RAMP1: variants seen among roughly 807,000 people sequenced by gnomAD.
The protein encoded by RAMP1 is receptor activity-modifying protein 1.
Under a neutral mutation model 8.2 loss-of-function variants are expected in RAMP1, and 7 were observed. The ratio of observed to expected loss-of-function variants is 0.85; its 90% CI spans 0.49 to 1.60. The LOEUF (loss-of-function observed/expected upper bound fraction) is 1.60. Among genes scored for constraint, RAMP1 ranks in the 40% most tolerant of loss-of-function variants. RAMP1 has a pLI of 0.00. For synonymous variants in RAMP1, 92 were observed against 84.7 expected, an observed-to-expected ratio of 1.09 and a Z score of -0.47; for missense variants, 192 against 202.4, an observed-to-expected ratio of 0.95 and a Z score of 0.31.
intron 2 of RAMP1, among the ~76,000 whole-genome samples, chr2:237,891,582 G>A (rs982583080): frequency 6.6e-6 from 1 of 151,924 alleles, no homozygotes; most frequent in African/African-American, 2.4e-5. Flanking sequence ...TTTGCCGTAG[G>A]GAGGAAATGT....
At chr2:237,864,916 C>G (rs571755651) in intron 1 of RAMP1, among the ~76,000 whole-genome samples, 2 of 152,338 alleles carry the variant, frequency 1.3e-5, no homozygotes, top group South Asian at 2.1e-4. Flanking sequence ...GCCTTTTTGA[C>G]TGAAGCATGG....
chr2:237,885,456 C>T (rs1259165675), intron 2 of RAMP1, among the ~76,000 whole-genome samples: 1 of 152,262 alleles, frequency 6.6e-6, no homozygotes, highest in African/African-American at 2.4e-5. Context: ...TTGTTCATGG[C>T]GGTGTCCGCC....
chr2:237,879,000 A>G lies in RAMP1; in HGVS notation c.191+1638A>G, dbSNP rs1236763162. 3.9e-5 allele frequency among the ~76,000 whole-genome samples: 6 copies of G among 152,170 alleles called. No homozygotes were observed. The highest frequency in any genetic ancestry group is 8.8e-5 in the Non-Finnish European group (6 of 68,030). On this transcript the variant is annotated intron_variant, in intron 2 of 2. Transcript: ENST00000254661. This position sits in a 1 kb window ranked among gnomAD's most constrained non-coding sequence, Gnocchi z 5.7. ...GCCCTCAGCAGGGTCTCCTCACTCT[A>G]CTGTACTGAAGGTCTCTCCAAGATT... is the stretch of plus-strand genomic sequence containing the variant.
intron 1 of RAMP1, among the ~76,000 whole-genome samples, chr2:237,866,543 A>G (rs1340985994): frequency 6.6e-6 from 1 of 152,018 alleles, no homozygotes; most frequent in Non-Finnish European, 1.5e-5. Flanking sequence ...GGCGATGGCA[A>G]TACAAGTGAC....
At chr2:237,860,713 T>C (rs2062124978) in intron 1 of RAMP1, among the ~76,000 whole-genome samples, 1 of 152,192 alleles carries the variant, frequency 6.6e-6, no homozygotes, top group Non-Finnish European at 1.5e-5. Flanking sequence ...AACAGTGATG[T>C]TGGTCAGAGG....
In RAMP1 at chr2:237,880,398, C is replaced by A. The variant is rs148181588; in HGVS notation, c.191+3036C>A. 1.4e-3 allele frequency among the ~76,000 whole-genome samples: 209 copies of A among 152,316 alleles called. 1 individual carries two copies. Among genetic ancestry groups the A allele is most frequent in the African/African-American group, 4.7e-3 (196 of 41,574 alleles). Reference sequence around the variant, plus strand: ...GTACCACGAGATGTTCCAGGCTTATCTTAGACATTTTGTGCCCCAGCCCTG... The same window carrying A: ...GTACCACGAGATGTTCCAGGCTTATATTAGACATTTTGTGCCCCAGCCCTG... On this transcript the variant is annotated intron_variant, in intron 2 of 2. Coordinates refer to ENST00000254661, the MANE Select transcript of RAMP1 (RefSeq NM_005855.4).
In RAMP1 at chr2:237,911,055, C is replaced by T. The variant is rs555929451; in HGVS notation, c.192-473C>T. On this transcript the variant is annotated intron_variant, in intron 2 of 2. Coordinates refer to ENST00000254661, the MANE Select transcript of RAMP1 (RefSeq NM_005855.4). ...ACACTGTCACACATTGAATAACAGT[C>T]ACACACAGTCGCACACAGAATAACA... Among the ~76,000 whole-genome samples, 18 of 152,218 alleles carry T rather than the reference C, an allele frequency of 1.2e-4. No homozygotes were observed. The South Asian group carries it at 3.1e-3, about 26-fold the overall frequency.
chr2:237,885,985 ACAGAGGAGAAGGGGG>A (rs758886291), intron 2 of RAMP1, among the ~76,000 whole-genome samples: 1 of 152,176 alleles, frequency 6.6e-6, no homozygotes, highest in Non-Finnish European at 1.5e-5. Flanking sequence ...GCTATGGCTT[ACAGAGGAGAAGGGGG>A]CAGAGGAGGA....
intron 2 of RAMP1, among the ~76,000 whole-genome samples, chr2:237,907,038 A>G (rs2062660427): frequency 6.6e-6 from 1 of 152,114 alleles, no homozygotes; most frequent in Non-Finnish European, 1.5e-5. Flanking sequence ...CTCATTTTCA[A>G]AAGGTATTTT....
At chr2:237,890,523 A>T (rs1378205784) in intron 2 of RAMP1, among the ~76,000 whole-genome samples, 5 of 152,184 alleles carry the variant, frequency 3.3e-5, no homozygotes, top group African/African-American at 1.2e-4. Context: ...GTGATGTGAG[A>T]ATTACTTATT....
intron 1 of RAMP1, among the ~76,000 whole-genome samples, chr2:237,866,691 C>T (rs1282023668): frequency 2.0e-5 from 3 of 152,036 alleles, no homozygotes; most frequent in Admixed American, 6.6e-5. Flanking sequence ...TGAGTTAACC[C>T]ATATTTTGTA....
At chr2:237,886,832 G>T (rs367921088) in intron 2 of RAMP1, among the ~76,000 whole-genome samples, 1 of 152,210 alleles carries the variant, frequency 6.6e-6, no homozygotes, top group Admixed American at 6.5e-5. Context: ...TCAGACATGC[G>T]GTGACGCTAA....
intron 1 of RAMP1, chr2:237,874,831 G>A (rs897973242): frequency 2.0e-6 from 1 of 508,874 alleles, no homozygotes; most frequent in Non-Finnish European, 2.5e-6. Flanking sequence ...AAAAGAAAGA[G>A]ACCCTCCACC....
upstream of RAMP1, chr2:237,859,521 G>GGAGCCGCAGTGGGCC (rs1334717390): frequency 6.8e-6 from 2 of 293,598 alleles, no homozygotes; most frequent in Admixed American, 1.3e-4. Flanking sequence ...ACCCACGCGG[G>GGAGCCGCAGTGGGCC]GAGCCGCAGT....
intron 1 of RAMP1, chr2:237,860,002 G>T (rs1287278483): frequency 5.2e-6 from 2 of 387,950 alleles, no homozygotes; most frequent in Non-Finnish European, 9.3e-6. Flanking sequence ...GGAAAGCGTG[G>T]GGTGAGTCAG....
At position 237,878,170 on chromosome 2, in the gene RAMP1, A is replaced by G. The variant is rs1392912008; in HGVS notation, c.191+808A>G. The G allele has an allele frequency of 5.9e-5, 58 of 985,210 alleles. No homozygotes were observed. The highest frequency in any genetic ancestry group is 6.6e-5 in the Non-Finnish European group (55 of 829,842). 61.0% of individuals were successfully genotyped at this position (985,210 alleles called of 1,614,324 possible). On this transcript the variant is annotated intron_variant, in intron 2 of 2. Transcript: ENST00000254661. The surrounding 1 kb of genome is among the most constrained non-coding windows in gnomAD (Gnocchi z 5.7). ...AAGGCCACCGCCTCCCTGCCATGCA[A>G]ACTTCGCACAGAGATCTGTCTGTGG...
At chr2:237,894,706 G>T (rs2062520943) in intron 2 of RAMP1, among the ~76,000 whole-genome samples, 1 of 152,174 alleles carries the variant, frequency 6.6e-6, no homozygotes, top group East Asian at 1.9e-4. Flanking sequence ...GTGCACTGTG[G>T]CAGTTCCAAG....
intron 2 of RAMP1, among the ~76,000 whole-genome samples, chr2:237,899,597 G>C (rs1229122478): frequency 1.3e-5 from 2 of 152,196 alleles, no homozygotes; most frequent in Non-Finnish European, 2.9e-5. Context: ...ATGCTATGTG[G>C]CTAGATGAAG....
intron 2 of RAMP1, among the ~76,000 whole-genome samples, chr2:237,895,318 T>C (rs777328765): frequency 2.6e-5 from 4 of 152,158 alleles, no homozygotes; most frequent in Non-Finnish European, 4.4e-5. Context: ...AATGGCATGG[T>C]GGTGGCCCTC....
Sources: gnomAD v4.1 joint callset for allele counts (sites outside exome capture counted in the v4.1 genomes callset) on GRCh38, gnomAD v4.1.1 for gene constraint, Gnocchi (gnomAD v3.1) non-coding constraint, MANE v1.5 for transcripts, NCBI Gene and HGNC (gene_info 2026-07-23, HGNC 2026-07-21) for gene names.